Variants in TRAK1 observed in about 807,000 individuals in gnomAD.
TRAK1 encodes trafficking kinesin-binding protein 1.
TRAK1 carries 33 observed loss-of-function variants against 92.1 expected under a neutral mutation model. The observed-to-expected ratio is 0.36, with a 90% confidence interval of 0.27 to 0.48. The LOEUF is 0.48. Ranked by LOEUF, TRAK1 falls within the 20% of genes least tolerant of loss-of-function variation. TRAK1 has a pLI of 0.99. For synonymous variants in TRAK1, 521 were observed against 517.3 expected, an observed-to-expected ratio of 1.01 and a Z score of -0.10; for missense variants, 1,123 against 1,257.9, an observed-to-expected ratio of 0.89 and a Z score of 1.62.
intron 1 of TRAK1, among the ~76,000 whole-genome samples, chr3:42,081,594 A>C (rs754522651): frequency 3.3e-5 from 5 of 152,182 alleles, no homozygotes; most frequent in Non-Finnish European, 7.4e-5. Context: ...TGTGTCTGAG[A>C]TAGAGAGGCA....
At chr3:42,100,004 A>T (rs1334377809) in intron 1 of TRAK1, among the ~76,000 whole-genome samples, 1 of 152,156 alleles carries the variant, frequency 6.6e-6, no homozygotes, top group Non-Finnish European at 1.5e-5. Context: ...TGCACTAGCA[A>T]CAGGAGACAG....
intron 1 of TRAK1, among the ~76,000 whole-genome samples, chr3:42,113,061 G>A (rs936650437): frequency 2.6e-5 from 4 of 151,772 alleles, no homozygotes; most frequent in East Asian, 2.0e-4. Context: ...ATGGGCCAGC[G>A]CACTTGGCCT....
At chr3:42,152,728 C>T (rs1293125377) in intron 2 of TRAK1, among the ~76,000 whole-genome samples, 1 of 152,178 alleles carries the variant, frequency 6.6e-6, no homozygotes, top group Non-Finnish European at 1.5e-5. Context: ...TTAAAGTGTG[C>T]TTAGAAAGAG....
At chr3:42,119,935 A>G (rs1709633587) in intron 1 of TRAK1, among the ~76,000 whole-genome samples, 1 of 152,236 alleles carries the variant, frequency 6.6e-6, no homozygotes, top group Admixed American at 6.5e-5. Context: ...TTAAAGAGCA[A>G]TAGTATGATT....
rs373029085 is a variant in TRAK1, at chr3:42,184,827, C to T, written c.480+26C>T. 2.1e-5 allele frequency: 34 copies of T among 1,599,754 alleles called. 1 individual carries two copies. The African/African-American group carries it at 3.4e-4, about 16-fold the overall frequency. On this transcript the variant is annotated intron_variant, in intron 4 of 15. Transcript: ENST00000327628. ...GTAAGACATTGGAGGCCGAGGCTTC[C>T]AGAGGGGCCCGCCACAGGCCTGGGA... is the stretch of plus-strand genomic sequence containing the variant.
In TRAK1 at chr3:42,188,144, C is replaced by T; in HGVS notation, c.580C>T (p.Pro194Ser). Residue 194 changes from proline to serine, a missense_variant and splice_region_variant, in exon 5 of 16, where the codon CCG becomes TCG. By Grantham distance (74) the Pro-to-Ser change is moderately conservative. Coordinates refer to ENST00000327628, the MANE Select transcript of TRAK1 (RefSeq NM_001042646.3). Reference protein sequence around the residue: ...ESEPESVCSTPLKRNESSSSV... With the variant: ...ESEPESVCSTSLKRNESSSSV... ...TGAGCCCGAGTCCGTTTGCTCAACC[C>T]CGTAAGTCACCAGAGGGCTGTATTT... 1 of 1,614,048 alleles carries T rather than the reference C, an allele frequency of 6.2e-7. No homozygotes were observed. The highest frequency in any genetic ancestry group is 8.5e-7 in the Non-Finnish European group (1 of 1,179,984).
At chr3:42,022,986 G>A (rs568595670) in intron 1 of TRAK1, among the ~76,000 whole-genome samples, 66 of 151,730 alleles carry the variant, frequency 4.3e-4, no homozygotes, top group African/African-American at 1.6e-3. Context: ...GTGAAACCCT[G>A]TCTCCACTAA....
chr3:42,050,059 C>T (rs774707241), intron 1 of TRAK1, among the ~76,000 whole-genome samples: 9 of 151,966 alleles, frequency 5.9e-5, no homozygotes, highest in South Asian at 2.1e-4. Flanking sequence ...CCTTTTTCAC[C>T]GGGGACTGTT....
At chr3:42,078,420 C>A (rs1704260821) in intron 1 of TRAK1, among the ~76,000 whole-genome samples, 1 of 152,094 alleles carries the variant, frequency 6.6e-6, no homozygotes, top group Admixed American at 6.5e-5. Context: ...TGTTTTGAGC[C>A]TGTAAAAACA....
rs111592637 is a variant in TRAK1, at chr3:42,117,108, C to T, written c.92-8312C>T. On this transcript the variant is annotated intron_variant, in intron 1 of 15. Transcript: ENST00000327628. ...CGTCACCGGGAAGTGCTGTGAGTGG[C>T]GGCTGCCCCCCAGACACAGCCCTCA... 5.0e-3 allele frequency among the ~76,000 whole-genome samples: 761 copies of T among 152,222 alleles called. 7 individuals carry two copies. The highest frequency in any genetic ancestry group is 0.017 in the African/African-American group (698 of 41,544).
At chr3:42,213,773 C>T (rs1467916434) in intron 14 of TRAK1, among the ~76,000 whole-genome samples, 2 of 152,184 alleles carry the variant, frequency 1.3e-5, no homozygotes, top group Non-Finnish European at 2.9e-5. Context: ...TTCACAGACC[C>T]TTGGGTGCAG....
chr3:42,153,518 T>TTA (rs1700193149), intron 2 of TRAK1, among the ~76,000 whole-genome samples: 2 of 152,330 alleles, frequency 1.3e-5, no homozygotes, highest in African/African-American at 4.8e-5. Context: ...CCTCCCCCTT[T>TTA]TATAACCTGA....
At chr3:42,219,199 C>A (rs1017850916) in intron 14 of TRAK1, 2 of 985,158 alleles carry the variant, frequency 2.0e-6, no homozygotes, top group Non-Finnish European at 2.4e-6. Context: ...CCCCACCCCC[C>A]TCGCCTCCCA....
chr3:42,152,410 A>G (rs574183628), intron 2 of TRAK1, among the ~76,000 whole-genome samples: 6 of 152,374 alleles, frequency 3.9e-5, no homozygotes, highest in Admixed American at 3.9e-4. Context: ...GGTGTCAGAC[A>G]GGGTCATAGT....
intron 1 of TRAK1, among the ~76,000 whole-genome samples, chr3:42,047,200 CTTTTTTTTTTT>C (rs561224807): frequency 9.3e-6 from 1 of 107,154 alleles, no homozygotes; most frequent in Non-Finnish European, 1.9e-5. Context: ...AAAAACTGAT[CTTTTTTTTTTT>C]TTTTTTTTTT....
intron 1 of TRAK1, among the ~76,000 whole-genome samples, chr3:42,095,134 A>G (rs577917410): frequency 6.6e-6 from 1 of 152,198 alleles, no homozygotes; most frequent in Non-Finnish European, 1.5e-5. Flanking sequence ...GACACATATT[A>G]TACAGTTAGC....
At chr3:42,219,661 A>T in intron 15 of TRAK1, 65 bp downstream of exon 15, 1 of 1,585,754 alleles carries the variant, frequency 6.3e-7, no homozygotes, top group Middle Eastern at 1.7e-4. Context: ...CTTCCCTGCA[A>T]GGCTTAATGT....
At chr3:42,187,683 T>C (rs925006760) in intron 4 of TRAK1, among the ~76,000 whole-genome samples, 2 of 152,082 alleles carry the variant, frequency 1.3e-5, no homozygotes, top group African/African-American at 4.8e-5. Flanking sequence ...GTCAGGCTGG[T>C]CTCGAACTCC....
Position 42,186,444 on chromosome 3 carries a change from T to C in TRAK1, c.481-1601T>C, listed in dbSNP as rs546644298. On this transcript the variant is annotated intron_variant, in intron 4 of 15. Coordinates refer to ENST00000327628, the MANE Select transcript of TRAK1 (RefSeq NM_001042646.3). ...ATATGATGAAGCATAGTCGCCACTA[T>C]GTAAGAAAAGTTTTAATCCTGGGCT... Among the ~76,000 whole-genome samples, 7 of 152,344 alleles carry C rather than the reference T, an allele frequency of 4.6e-5. 1 individual carries two copies. In the South Asian group the frequency reaches 1.4e-3, roughly 32 times the overall value.
Sources: allele counts gnomAD v4.1 joint callset (sites outside exome capture counted in the v4.1 genomes callset), GRCh38; gene constraint gnomAD v4.1.1; transcripts MANE v1.5; gene names NCBI Gene and HGNC (gene_info 2026-07-23, HGNC 2026-07-21).